Variants in PTK2 observed in about 807,000 individuals in gnomAD.
PTK2 encodes protein tyrosine kinase 2.
In PTK2, 45 loss-of-function variants were observed where a neutral mutation model predicts 150.1. The ratio of observed to expected loss-of-function variants is 0.30; its 90% CI spans 0.24 to 0.38. The LOEUF (loss-of-function observed/expected upper bound fraction) is 0.38, where lower values mean the gene tolerates loss of function less well. Among genes scored for constraint, PTK2 ranks in the 10% least tolerant of loss-of-function variants. The probability of loss-of-function intolerance (pLI) is 1.00; values close to 1 mark genes in which losing one functional copy is unlikely to be tolerated. For missense variants in PTK2, 919 were observed against 1,307.3 expected (o/e 0.70, Z 4.58); for synonymous variants, 432 against 449.2 (o/e 0.96, Z 0.48).
chr8:140,983,708 A>AGGAGGGAGGGAGAGAAGAAG (rs1588652810), intron 1 of PTK2: 1 of 129,054 alleles, frequency 7.7e-6, no homozygotes, highest in East Asian at 2.7e-4. Flanking sequence ...GAAGGAGGGA[A>AGGAGGGAGGGAGAGAAGAAG]GGAGGGAGGG....
At chr8:140,761,554 A>G (rs184691997) in intron 15 of PTK2, among the ~76,000 whole-genome samples, 1 of 152,268 alleles carries the variant, frequency 6.6e-6, no homozygotes, top group Admixed American at 6.5e-5. Context: ...TCTATTTGAT[A>G]GTTTTCTAAA....
chr8:140,665,653 T>C (rs1156573399), intron 30 of PTK2, among the ~76,000 whole-genome samples: 1 of 152,186 alleles, frequency 6.6e-6, no homozygotes, highest in Non-Finnish European at 1.5e-5. Context: ...AATAATGTAA[T>C]GACTAAGACA....
intron 24 of PTK2, among the ~76,000 whole-genome samples, chr8:140,703,547 C>G (rs2100031951): frequency 6.6e-6 from 1 of 152,222 alleles, no homozygotes; most frequent in Admixed American, 6.5e-5. Flanking sequence ...CTGTGCCATA[C>G]TTTGCTCTAG....
At chr8:140,686,408 TAA>T (rs34011420) in intron 27 of PTK2, among the ~76,000 whole-genome samples, 3 of 149,134 alleles carry the variant, frequency 2.0e-5, no homozygotes, top group Admixed American at 6.7e-5. Context: ...AAATAAAAGT[TAA>T]AAAAAAAAGC....
At position 140,679,015 on chromosome 8, in the gene PTK2, T is replaced by G. The variant is rs1263084432; in HGVS notation, c.2563-3516A>C. Among the ~76,000 whole-genome samples the G allele has an allele frequency of 9.9e-4, 31 of 31,200 alleles. 1 individual carries two copies. Among genetic ancestry groups the G allele is most frequent in the African/African-American group, 2.9e-3 (30 of 10,356 alleles). The allele number at this position is 31,200 out of a possible 152,430, so 20.5% of individuals were successfully genotyped here. A position where few individuals can be genotyped will look rare whatever the true frequency, so the allele number is the denominator to read the frequency against. On this transcript the variant is annotated intron_variant, in intron 27 of 31. Transcript: ENST00000522684. ...GAGTGCTCCCCATGTTTTTTTTTTT[T>G]TTTTTTTTTTTTTTTTTTTTTTTTT...
At chr8:140,984,638 T>C (rs1453560764) in intron 1 of PTK2, among the ~76,000 whole-genome samples, 1 of 152,132 alleles carries the variant, frequency 6.6e-6, no homozygotes, top group Non-Finnish European at 1.5e-5. Flanking sequence ...TCATCTCTTC[T>C]GCTTGCTGTG....
chr8:140,784,808 T>C (rs1215963267), intron 14 of PTK2, among the ~76,000 whole-genome samples: 2 of 152,244 alleles, frequency 1.3e-5, no homozygotes, highest in Non-Finnish European at 2.9e-5. Flanking sequence ...TATAAATCTC[T>C]GTTAATCTTA....
At chr8:140,844,904 T>C (rs976738479) in intron 7 of PTK2, among the ~76,000 whole-genome samples, 4 of 152,200 alleles carry the variant, frequency 2.6e-5, no homozygotes, top group Admixed American at 2.6e-4. Context: ...ACTTGTCTTC[T>C]TTCTCCTCAA....
chr8:140,675,259 A>G (rs28673908), intron 28 of PTK2, among the ~76,000 whole-genome samples: 2,892 of 150,798 alleles, frequency 0.019, 98 homozygotes, highest in African/African-American at 0.067. Flanking sequence ...CTAAGGAGGT[A>G]TTTCTGATGC....
At position 140,893,229 on chromosome 8, in the gene PTK2, T is replaced by C. The variant is rs1601136925; in HGVS notation, c.-32-2460A>G. On this transcript the variant is annotated intron_variant, in intron 2 of 31. Coordinates refer to ENST00000522684, the Ensembl canonical transcript of PTK2. ...AGCTACTTGGGAGGCCGAGGATTGC[T>C]TGAGTCCAGGAGGTCGAGGCTGCAG... is the stretch of plus-strand genomic sequence containing the variant. Among the ~76,000 whole-genome samples the C allele has an allele frequency of 2.0e-5, 3 of 152,142 alleles. No individual in the cohort carries two copies. In the South Asian group the frequency reaches 6.2e-4, roughly 32 times the overall value.
chr8:140,969,712 T>C (rs2100186579), intron 1 of PTK2, among the ~76,000 whole-genome samples: 1 of 152,336 alleles, frequency 6.6e-6, no homozygotes, highest in African/African-American at 2.4e-5. Flanking sequence ...GCTCACCTCC[T>C]AGGCAAGCTC....
intron 14 of PTK2, among the ~76,000 whole-genome samples, chr8:140,767,772 T>C (rs1273793503): frequency 1.3e-5 from 2 of 152,218 alleles, no homozygotes; most frequent in South Asian, 4.1e-4. Flanking sequence ...GCACCCAGCC[T>C]TCCCAAGAAT....
At chr8:140,690,309 C>T (rs1485905503) in intron 26 of PTK2, among the ~76,000 whole-genome samples, 7 of 152,138 alleles carry the variant, frequency 4.6e-5, no homozygotes, top group South Asian at 4.1e-4. Context: ...CAGAGTGCAG[C>T]GACTATTCAC....
exon 32 of PTK2, chr8:140,659,506 T>C: frequency 1.2e-6 from 2 of 1,613,396 alleles, no homozygotes; most frequent in Non-Finnish European, 1.7e-6. Flanking sequence ...CAGTCTTGCT[T>C]GGTCAATGAC....
Position 140,833,862 on chromosome 8 carries a change from CAGTTTATTAGAT to C in PTK2, c.594-3348_594-3337del, listed in dbSNP as rs2100117031. Among the ~76,000 whole-genome samples the C allele has an allele frequency of 2.0e-5, 3 of 152,282 alleles. No homozygotes were observed. The East Asian group carries it at 5.8e-4, about 29-fold the overall frequency. On this transcript the variant is annotated intron_variant, in intron 7 of 31. Coordinates refer to ENST00000522684, the Ensembl canonical transcript of PTK2. The stretch of plus-strand genomic sequence containing the variant: ...AACCCCAATTCCCAAACCCAAGCAT[CAGTTTATTAGAT>C]TCCCACATCAGTTCAGAGAAACCTC...
intron 3 of PTK2, among the ~76,000 whole-genome samples, chr8:140,885,025 A>G (rs757132836): frequency 3.9e-5 from 6 of 152,196 alleles, no homozygotes; most frequent in Non-Finnish European, 5.9e-5. Flanking sequence ...TTTGAATGGG[A>G]TAAGAATACT....
chr8:140,917,813 C>A (rs1481973633), intron 2 of PTK2, among the ~76,000 whole-genome samples: 39 of 152,078 alleles, frequency 2.6e-4, no homozygotes, highest in Non-Finnish European at 4.4e-5. Flanking sequence ...TATATAATGA[C>A]AAATCACAGT....
chr8:140,709,189 T>C (rs2100035441), intron 23 of PTK2, among the ~76,000 whole-genome samples: 1 of 152,150 alleles, frequency 6.6e-6, no homozygotes, highest in African/African-American at 2.4e-5. Flanking sequence ...TGCTATTCTA[T>C]GACAAGCATA....
chr8:140,788,762 C>T (rs1014271376), intron 14 of PTK2, among the ~76,000 whole-genome samples: 4 of 152,004 alleles, frequency 2.6e-5, no homozygotes, highest in Non-Finnish European at 5.9e-5. Flanking sequence ...ACTATTATTT[C>T]AGAAATGTAA....
Sources: gnomAD v4.1 joint callset for allele counts (sites outside exome capture counted in the v4.1 genomes callset) on GRCh38, gnomAD v4.1.1 for gene constraint, MANE v1.5 for transcripts, NCBI Gene and HGNC (gene_info 2026-07-23, HGNC 2026-07-21) for gene names.